The following FGR variants were observed in gnomAD, a reference collection of about 807,000 sequenced individuals.
FGR encodes the protein FGR proto-oncogene, Src family tyrosine kinase.
A neutral mutation model predicts 63.2 loss-of-function variants in FGR; 26 were observed. That is an observed-to-expected ratio of 0.41 (90% CI 0.30 to 0.57). The LOEUF (loss-of-function observed/expected upper bound fraction) is 0.57, where lower values mean the gene tolerates loss of function less well. Ranked by LOEUF, FGR falls within the 20% of genes least tolerant of loss-of-function variation. The pLI is 0.27. For synonymous variants in FGR, 286 were observed against 277.7 expected, an observed-to-expected ratio of 1.03 and a Z score of -0.30; for missense variants, 511 against 690.8, an observed-to-expected ratio of 0.74 and a Z score of 2.92.
chr1:27,631,701 G>A (rs764429990), intron 1 of FGR, among the ~76,000 whole-genome samples: 7 of 152,154 alleles, frequency 4.6e-5, no homozygotes, highest in Non-Finnish European at 8.8e-5. Context: ...AAGGTCCTCC[G>A]TGGCAGTGAC....
chr1:27,633,925 C>T (rs930778395), intron 1 of FGR, among the ~76,000 whole-genome samples: 11 of 152,188 alleles, frequency 7.2e-5, no homozygotes, highest in African/African-American at 2.7e-4. Flanking sequence ...CACCATAGTT[C>T]AGATGAGGAA....
Position 27,615,405 on chromosome 1 carries a change from T to G in FGR, c.1018+29A>C. On this transcript the variant is annotated intron_variant, in intron 9 of 12. Coordinates refer to ENST00000374005, the MANE Select transcript of FGR (RefSeq NM_005248.3). This position sits in a 1 kb window ranked among gnomAD's most constrained non-coding sequence, Gnocchi z 7.6. The stretch of plus-strand genomic sequence containing the variant: ...ACTCCCCTCTTAACTTCACCCCGAA[T>G]CCCGCCCGACCAGGCTCCGCCTCCT... The G allele has an allele frequency of 6.3e-7, 1 of 1,585,768 alleles. No individual in the cohort carries two copies. Among genetic ancestry groups the G allele is most frequent in the Non-Finnish European group, 8.6e-7 (1 of 1,158,758 alleles).
chr1:27,621,865 G>A (rs560611501), intron 4 of FGR, among the ~76,000 whole-genome samples: 1 of 152,308 alleles, frequency 6.6e-6, no homozygotes, highest in East Asian at 1.9e-4. Flanking sequence ...AAGCTCGGGG[G>A]CACTTAGGGC....
intron 2 of FGR, among the ~76,000 whole-genome samples, chr1:27,624,838 G>A (rs779560888): frequency 2.0e-5 from 3 of 152,030 alleles, no homozygotes; most frequent in Non-Finnish European, 4.4e-5. Context: ...ATATATCTGC[G>A]CATGTTTGTG....
At position 27,612,711 on chromosome 1, in the gene FGR, G is replaced by A. The variant is rs754586086; in HGVS notation, c.*203C>T. Reference sequence around the variant, plus strand: ...GGAAGAAATAGTGCTTGGGGCCAGAGCGGATGAGAGATCAGCTCTGGGCCT... The same window carrying A: ...GGAAGAAATAGTGCTTGGGGCCAGAACGGATGAGAGATCAGCTCTGGGCCT... On this transcript the variant is annotated 3_prime_UTR_variant, in exon 13 of 13. Transcript: ENST00000374005. The A allele has an allele frequency of 1.7e-5, 10 of 581,658 alleles. No individual in the cohort carries two copies. Among genetic ancestry groups the A allele is most frequent in the Non-Finnish European group, 2.8e-5 (9 of 325,330 alleles). 36.0% of individuals were successfully genotyped at this position (581,658 alleles called of 1,614,324 possible).
chr1:27,622,998 T>C, intron 4 of FGR, 44 bp downstream of exon 4: 1 of 1,413,926 alleles, frequency 7.1e-7, no homozygotes, highest in South Asian at 1.2e-5. Flanking sequence ...TGTGTCCTGC[T>C]CCCAGCCCAG....
chr1:27,615,374 C>T lies in FGR; in HGVS notation c.1018+60G>A. On this transcript the variant is annotated intron_variant, in intron 9 of 12. Coordinates refer to ENST00000374005, the MANE Select transcript of FGR (RefSeq NM_005248.3). The surrounding 1 kb of genome is among the most constrained non-coding windows in gnomAD (Gnocchi z 7.6). ...ACAGATCGCGTCCCAGGTCCCACGC[C>T]TGAAAACTCCCCTCTTAACTTCACC... 6.4e-7 allele frequency: 1 copy of T among 1,550,400 alleles called. No homozygotes were observed. Among genetic ancestry groups the T allele is most frequent in the Non-Finnish European group, 8.8e-7 (1 of 1,139,078 alleles).
rs747434530 is a variant in FGR at position 27,623,029 on chromosome 1, C to T, written c.329+13G>A. ...CCCAGGCAATGTTCTGACTAGGTGGCCTGGTCACTTACGTATTGTTCAGGA... is the reference window on the plus strand; with the variant it reads ...CCCAGGCAATGTTCTGACTAGGTGGTCTGGTCACTTACGTATTGTTCAGGA... On this transcript the variant is annotated intron_variant, in intron 4 of 12. Coordinates refer to ENST00000374005, the MANE Select transcript of FGR (RefSeq NM_005248.3). The T allele has an allele frequency of 3.1e-6, 5 of 1,595,084 alleles. No individual in the cohort carries two copies. Among genetic ancestry groups the T allele is most frequent in the Non-Finnish European group, 3.4e-6 (4 of 1,162,600 alleles).
intron 1 of FGR, among the ~76,000 whole-genome samples, chr1:27,630,557 G>A (rs964094014): frequency 5.6e-4 from 85 of 151,024 alleles, no homozygotes; most frequent in African/African-American, 1.7e-3. Flanking sequence ...CAGGCAGGGC[G>A]CAGGTGGGGG....
At position 27,621,614 on chromosome 1, in the gene FGR, T is replaced by C; in HGVS notation, c.373A>G (p.Thr125Ala). The change falls in exon 5 of 13, where the codon ACT (threonine) becomes GCT (alanine). Residue 125 changes from threonine to alanine, a missense_variant. Physicochemically the swap from Thr to Ala is moderately conservative, Grantham distance 58 (BLOSUM62 0). Coordinates refer to ENST00000374005, the MANE Select transcript of FGR (RefSeq NM_005248.3). ...WEARSLSSGKTGCIPSNYVAP... is the reference protein window; with the variant it reads ...WEARSLSSGKAGCIPSNYVAP... Reference sequence around the variant, plus strand: ...ACGTAGTTGCTGGGAATGCAGCCAGTTTTTCCGGAGCTGAGAGACCGAGCC... The same window carrying C: ...ACGTAGTTGCTGGGAATGCAGCCAGCTTTTCCGGAGCTGAGAGACCGAGCC... The C allele has an allele frequency of 6.2e-7, 1 of 1,613,746 alleles. No homozygotes were observed. The highest frequency in any genetic ancestry group is 8.5e-7 in the Non-Finnish European group (1 of 1,179,878).
chr1:27,616,984 C>T lies in FGR; in HGVS notation c.555G>A (p.Arg185=). The T allele has an allele frequency of 6.2e-7, 1 of 1,614,188 alleles. No individual in the cohort carries two copies. The highest frequency in any genetic ancestry group is 8.5e-7 in the Non-Finnish European group (1 of 1,180,032). The part of the protein sequence containing the change: ...TTKGAYSLSI[R]DWDQTRGDHV... ...GATCGCCTCTGGTCTGATCCCAGTC[C>T]CGGATGGACAGGGAGTAGGCACCTG... The change falls in exon 7 of 13, where the codon CGG becomes CGA. Residue 185 remains arginine, a synonymous_variant. Transcript: ENST00000374005. This position sits in a 1 kb window ranked among gnomAD's most constrained non-coding sequence, Gnocchi z 4.3.
At position 27,623,035 on chromosome 1, in the gene FGR, C is replaced by T. The variant is rs1434217316; in HGVS notation, c.329+7G>A. On this transcript the variant is annotated splice_region_variant and intron_variant, in intron 4 of 12. Transcript: ENST00000374005. ...CAATGTTCTGACTAGGTGGCCTGGT[C>T]ACTTACGTATTGTTCAGGATGTGGA... The T allele has an allele frequency of 3.1e-6, 5 of 1,606,356 alleles. No individual in the cohort carries two copies. The highest frequency in any genetic ancestry group is 4.3e-6 in the Non-Finnish European group (5 of 1,172,988).
In FGR at chr1:27,615,356, G is replaced by A; in HGVS notation, c.1018+78C>T. 1 of 1,468,734 alleles carries A rather than the reference G, an allele frequency of 6.8e-7. No homozygotes were observed. The highest frequency in any genetic ancestry group is 1.4e-5 in the African/African-American group (1 of 72,238). 91.0% of individuals were successfully genotyped at this position (1,468,734 alleles called of 1,614,324 possible). On this transcript the variant is annotated intron_variant, in intron 9 of 12. Coordinates refer to ENST00000374005, the MANE Select transcript of FGR (RefSeq NM_005248.3). This position sits in a 1 kb window ranked among gnomAD's most constrained non-coding sequence, Gnocchi z 7.6. ...CATTGTCCCTTGTCCCTCACAGATC[G>A]CGTCCCAGGTCCCACGCCTGAAAAC...
intron 1 of FGR, among the ~76,000 whole-genome samples, chr1:27,630,264 C>T (rs945944541): frequency 6.6e-5 from 10 of 152,134 alleles, no homozygotes; most frequent in South Asian, 2.1e-4. Context: ...CGTGTTAGCC[C>T]GGATGGTCTC....
intron 11 of FGR, among the ~76,000 whole-genome samples, chr1:27,614,219 C>T (rs970554747): frequency 3.9e-5 from 6 of 152,212 alleles, no homozygotes; most frequent in Non-Finnish European, 7.3e-5. Flanking sequence ...AGAAGAGAAA[C>T]GGCAGCTCCC....
chr1:27,634,519 G>A (rs2090151628), intron 1 of FGR, among the ~76,000 whole-genome samples: 1 of 152,120 alleles, frequency 6.6e-6, no homozygotes, highest in Admixed American at 6.5e-5. Flanking sequence ...CTCGGAAGAG[G>A]GGAACTTCCT....
At chr1:27,632,003 C>G (rs539253098) in intron 1 of FGR, among the ~76,000 whole-genome samples, 1 of 152,060 alleles carries the variant, frequency 6.6e-6, no homozygotes, top group Non-Finnish European at 1.5e-5. Flanking sequence ...TCCCTCAGAC[C>G]GGGCGGGCTT....
chr1:27,615,288 C>T lies in FGR; in HGVS notation c.1018+146G>A. On this transcript the variant is annotated intron_variant, in intron 9 of 12. Coordinates refer to ENST00000374005, the MANE Select transcript of FGR (RefSeq NM_005248.3). The surrounding 1 kb of genome is among the most constrained non-coding windows in gnomAD (Gnocchi z 7.6). ...ACTCGGCCCGGCTCCCACCTCAGCC[C>T]TCCAGTCGTTTTACACACCTGGTCC... The T allele has an allele frequency of 1.0e-6, 1 of 968,388 alleles. No individual in the cohort carries two copies. Among genetic ancestry groups the T allele is most frequent in the Non-Finnish European group, 1.5e-6 (1 of 645,812 alleles). 60.0% of individuals were successfully genotyped at this position (968,388 alleles called of 1,614,324 possible).
In FGR at chr1:27,615,693, C is replaced by T; in HGVS notation, c.834G>A (p.Trp278Ter). 1 of 1,600,746 alleles carries T rather than the reference C, an allele frequency of 6.2e-7. No homozygotes were observed. Among genetic ancestry groups the T allele is most frequent in the South Asian group, 1.1e-5 (1 of 90,270 alleles). The stretch of plus-strand genomic sequence containing the variant: ...CGGCCCCCGGGAGCTCCGTACCCAG[C>T]CACACATCCCCGAAGCAGCCGGTGC... ...RLGTGCFGDV[W>*]LGTWNGSTKV... Residue 278 changes from tryptophan (W) to a stop codon, truncating the protein, a stop_gained, in exon 8 of 13, where the codon TGG becomes TGA. Transcript: ENST00000374005. LOFTEE classifies it high-confidence loss of function. This position sits in a 1 kb window ranked among gnomAD's most constrained non-coding sequence, Gnocchi z 7.6.
Sources: allele counts gnomAD v4.1 joint callset (sites outside exome capture counted in the v4.1 genomes callset), GRCh38; gene constraint gnomAD v4.1.1; non-coding constraint Gnocchi (gnomAD v3.1); transcripts MANE v1.5; gene names NCBI Gene and HGNC (gene_info 2026-07-23, HGNC 2026-07-21).